The following AGBL1 variants were observed in gnomAD, a reference collection of about 807,000 sequenced individuals.
AGBL1 encodes AGBL carboxypeptidase 1, also known as cytosolic carboxypeptidase 4.
Under a neutral mutation model 118.9 loss-of-function variants are expected in AGBL1, and 130 were observed. That is an observed-to-expected ratio of 1.09 (90% CI 0.95 to 1.26). AGBL1 has a LOEUF of 1.26. Ranked by LOEUF, AGBL1 falls within the 50% of genes most tolerant of loss-of-function variation. The pLI is 0.00. For missense variants in AGBL1, 1,584 were observed against 1,298.1 expected (o/e 1.22, Z -3.38); for synonymous variants, 555 against 478.9 (o/e 1.16, Z -2.08).
chr15:86,151,509 A>T (rs1338570425), intron 3 of AGBL1, among the ~76,000 whole-genome samples: 2 of 152,200 alleles, frequency 1.3e-5, no homozygotes, highest in East Asian at 3.8e-4. Context: ...TAAACTAGGT[A>T]TTGATGGAAC....
At chr15:86,958,419 T>C (rs758185824) in intron 23 of AGBL1, among the ~76,000 whole-genome samples, 65 of 152,016 alleles carry the variant, frequency 4.3e-4, no homozygotes, top group Admixed American at 8.5e-4. Context: ...CATTTGATTT[T>C]AGCATAGGTA....
At chr15:86,356,607 C>A (rs1429339222) in intron 17 of AGBL1, among the ~76,000 whole-genome samples, 1 of 152,086 alleles carries the variant, frequency 6.6e-6, no homozygotes, top group Non-Finnish European at 1.5e-5. Flanking sequence ...AGATCCCATG[C>A]TGCATCCCAT....
At chr15:86,153,057 TTGG>T (rs1254230317) in intron 3 of AGBL1, among the ~76,000 whole-genome samples, 2 of 152,166 alleles carry the variant, frequency 1.3e-5, no homozygotes, top group Non-Finnish European at 2.9e-5. Flanking sequence ...TTTTACACTG[TTGG>T]TGGGAGTGTA....
chr15:86,504,654 A>G (rs535563061), intron 18 of AGBL1, among the ~76,000 whole-genome samples: 4 of 151,620 alleles, frequency 2.6e-5, no homozygotes, highest in Non-Finnish European at 4.4e-5. Flanking sequence ...CTTAATTGCA[A>G]TAGTGTACAA....
At chr15:86,724,169 G>A (rs1313928756) in intron 22 of AGBL1, among the ~76,000 whole-genome samples, 6 of 138,892 alleles carry the variant, frequency 4.3e-5, no homozygotes, top group Admixed American at 3.3e-4. Context: ...CCGGGAGGCC[G>A]AGCTTGCAGT....
Position 86,507,870 on chromosome 15 carries a change from A to G in AGBL1, c.2556-14940A>G, listed in dbSNP as rs558606592. Among the ~76,000 whole-genome samples the G allele has an allele frequency of 3.3e-5, 5 of 152,246 alleles. No homozygotes were observed. The East Asian group carries it at 7.7e-4, about 24-fold the overall frequency. On this transcript the variant is annotated intron_variant, in intron 18 of 22. Transcript: ENST00000614907. Reference sequence around the variant, plus strand: ...TATTAAACAGGATTAGGGGTATGTGATAAAGATGCCTCAAAGATGACTATA... The same window carrying G: ...TATTAAACAGGATTAGGGGTATGTGGTAAAGATGCCTCAAAGATGACTATA...
rs375873584 is a variant in AGBL1 at position 86,144,987 on chromosome 15, G to A, written c.262+1142G>A. On this transcript the variant is annotated intron_variant, in intron 3 of 22. Transcript: ENST00000614907. ...CTTCTGGAGTCTCTGAGGGAGAATC[G>A]GTTCCATGCCCCTCTCCTCTGAGGG... Among the ~76,000 whole-genome samples, 390 of 152,192 alleles carry A rather than the reference G, an allele frequency of 2.6e-3. 2 individuals carry two copies. The highest frequency in any genetic ancestry group is 6.8e-3 in the Middle Eastern group (2 of 294).
intron 22 of AGBL1, among the ~76,000 whole-genome samples, chr15:86,674,990 A>T (rs2085813065): frequency 6.6e-6 from 1 of 152,172 alleles, no homozygotes; most frequent in African/African-American, 2.4e-5. Flanking sequence ...GAGATTATTA[A>T]TGAGCCAAGT....
intron 22 of AGBL1, among the ~76,000 whole-genome samples, chr15:86,709,877 A>C (rs773830977): frequency 6.6e-6 from 1 of 152,176 alleles, no homozygotes; most frequent in Non-Finnish European, 1.5e-5. Context: ...GAAATGTACT[A>C]AATCTCCTAA....
At chr15:86,863,133 A>C (rs1291804833) in intron 22 of AGBL1, among the ~76,000 whole-genome samples, 2 of 152,206 alleles carry the variant, frequency 1.3e-5, no homozygotes, top group Non-Finnish European at 2.9e-5. Context: ...ATAAATAGAA[A>C]GAGCATGTGG....
chr15:86,429,051 A>G (rs1269501435), intron 18 of AGBL1, among the ~76,000 whole-genome samples: 1 of 152,220 alleles, frequency 6.6e-6, no homozygotes, highest in Non-Finnish European at 1.5e-5. Flanking sequence ...AGTTTCCAGA[A>G]ACACATAGAC....
intron 17 of AGBL1, among the ~76,000 whole-genome samples, chr15:86,311,090 C>T (rs1476869301): frequency 6.6e-6 from 1 of 152,184 alleles, no homozygotes; most frequent in African/African-American, 2.4e-5. Flanking sequence ...CAGTTGAAAC[C>T]TTCAGGGGGA....
intron 19 of AGBL1, among the ~76,000 whole-genome samples, chr15:86,537,488 G>A (rs1418867086): frequency 1.3e-5 from 2 of 152,184 alleles, no homozygotes; most frequent in African/African-American, 2.4e-5. Context: ...AACTCTTGAG[G>A]AATCTTCCCA....
chr15:87,020,232 C>A (rs2081651013), intron 24 of AGBL1, among the ~76,000 whole-genome samples: 2 of 151,958 alleles, frequency 1.3e-5, no homozygotes, highest in Admixed American at 6.6e-5. Context: ...ATCACATAAA[C>A]AGAACTAAAG....
In AGBL1 at chr15:86,279,104, T is replaced by A. The variant is rs1216764558; in HGVS notation, c.2076-535T>A. ...AGCTTTTGTTTCATCATCCACATGA[T>A]GGGTTGCTGCAATAATAACATAAGA... On this transcript the variant is annotated intron_variant, in intron 15 of 22. Transcript: ENST00000614907. Among the ~76,000 whole-genome samples, 6 of 152,346 alleles carry A rather than the reference T, an allele frequency of 3.9e-5. No individual in the cohort carries two copies. In the East Asian group the frequency reaches 1.2e-3, roughly 29 times the overall value.
At chr15:86,088,515 A>T (rs890060733) in intron 1 of AGBL1, among the ~76,000 whole-genome samples, 1 of 152,210 alleles carries the variant, frequency 6.6e-6, no homozygotes, top group Non-Finnish European at 1.5e-5. Flanking sequence ...TTATTTCATC[A>T]GCATTTATGT....
At chr15:86,686,672 C>T (rs531831635) in intron 22 of AGBL1, among the ~76,000 whole-genome samples, 11 of 152,100 alleles carry the variant, frequency 7.2e-5, no homozygotes, top group Non-Finnish European at 1.2e-4. Flanking sequence ...CTCCTAACCT[C>T]GTGATCTGCC....
chr15:86,640,536 T>C (rs999181023), intron 21 of AGBL1, among the ~76,000 whole-genome samples: 1 of 152,172 alleles, frequency 6.6e-6, no homozygotes, highest in Admixed American at 6.6e-5. Context: ...TCATGAGCAA[T>C]TTCCTATGTC....
At chr15:86,357,345 GA>G (rs1452879139) in intron 17 of AGBL1, among the ~76,000 whole-genome samples, 2 of 152,182 alleles carry the variant, frequency 1.3e-5, no homozygotes, top group Non-Finnish European at 2.9e-5. Flanking sequence ...AGTCAAAACT[GA>G]ATGATCATTT....
Sources: allele counts gnomAD v4.1 joint callset (sites outside exome capture counted in the v4.1 genomes callset), GRCh38; gene constraint gnomAD v4.1.1; transcripts MANE v1.5; gene names NCBI Gene and HGNC (gene_info 2026-07-23, HGNC 2026-07-21).